The following KCNMA1 variants were observed in gnomAD, a reference collection of about 807,000 sequenced individuals.
KCNMA1 encodes the protein Calcium-activated potassium channel subunit alpha-1.
In KCNMA1, 29 loss-of-function variants were observed where a neutral mutation model predicts 140.0. The observed-to-expected ratio is 0.21, with a 90% CI of 0.15 to 0.28. KCNMA1 has a LOEUF of 0.28. KCNMA1 is among the 10% of genes least tolerant of loss of function. The pLI is 1.00. For synonymous variants in KCNMA1, 612 were observed against 611.9 expected, an observed-to-expected ratio of 1.00 and a Z score of 0.00; for missense variants, 880 against 1,602.2, an observed-to-expected ratio of 0.55 and a Z score of 7.70.
At chr10:77,372,790 G>C (rs1189185059) in intron 2 of KCNMA1, 4 of 152,214 alleles carry the variant, frequency 2.6e-5, no homozygotes, top group African/African-American at 9.7e-5. Context: ...ATGCAGCAGA[G>C]AGATGGAAGA....
At chr10:77,611,737 G>C (rs2086972129) in intron 1 of KCNMA1, among the ~76,000 whole-genome samples, 1 of 152,064 alleles carries the variant, frequency 6.6e-6, no homozygotes, top group Admixed American at 6.5e-5. Context: ...CCAATCCTAT[G>C]TCCCTGTAAT....
intron 2 of KCNMA1, among the ~76,000 whole-genome samples, chr10:77,271,840 A>G (rs569946635): frequency 2.9e-4 from 44 of 151,538 alleles, no homozygotes; most frequent in South Asian, 2.3e-3. Flanking sequence ...ACCCTGGGGG[A>G]AAAAAAAAGC....
chr10:77,327,265 C>T (rs1456462369), intron 2 of KCNMA1, among the ~76,000 whole-genome samples: 1 of 151,532 alleles, frequency 6.6e-6, no homozygotes, highest in East Asian at 2.0e-4. Flanking sequence ...TCATCAAGAG[C>T]TTCACCACCT....
rs186745719 is a variant in KCNMA1, at chr10:77,609,861, T to A, written c.378+27404A>T. ...ACTGAAAATAAAGCCCCAAACATAC[T>A]CAAGGATGGAACTCCCCACAGCCTG... On this transcript the variant is annotated intron_variant, in intron 1 of 27. Transcript: ENST00000286628. 3.1e-3 allele frequency among the ~76,000 whole-genome samples: 465 copies of A among 152,002 alleles called. 10 individuals carry two copies. Among genetic ancestry groups the A allele is most frequent in the Non-Finnish European group, 4.3e-4 (29 of 67,984 alleles).
At chr10:76,897,051 T>C (rs2042886091) in intron 25 of KCNMA1, among the ~76,000 whole-genome samples, 1 of 122,270 alleles carries the variant, frequency 8.2e-6, no homozygotes, top group African/African-American at 3.2e-5. Context: ...CACACACAAT[T>C]AGTGATACGG....
chr10:77,296,210 A>G (rs985248323), intron 2 of KCNMA1, among the ~76,000 whole-genome samples: 10 of 152,308 alleles, frequency 6.6e-5, no homozygotes, highest in African/African-American at 2.2e-4. Flanking sequence ...AAAGGGAGGT[A>G]GAGGGTCAGA....
At chr10:77,107,101 G>C (rs918972787) in intron 9 of KCNMA1, among the ~76,000 whole-genome samples, 1 of 152,194 alleles carries the variant, frequency 6.6e-6, no homozygotes, top group African/African-American at 2.4e-5. Context: ...ACTGACCAAA[G>C]GGGAGGGTCC....
At chr10:77,591,301 C>G (rs148004745) in intron 1 of KCNMA1, among the ~76,000 whole-genome samples, 2 of 152,344 alleles carry the variant, frequency 1.3e-5, no homozygotes, top group African/African-American at 4.8e-5. Flanking sequence ...GTGGTGGCAG[C>G]AAGCCAGCTG....
intron 6 of KCNMA1, among the ~76,000 whole-genome samples, chr10:77,114,914 T>C (rs1203135377): frequency 2.0e-5 from 3 of 152,210 alleles, no homozygotes; most frequent in African/African-American, 7.2e-5. Flanking sequence ...ATCTCTGTTA[T>C]GACTGCCCTC....
chr10:77,037,155 T>G (rs930763580), intron 15 of KCNMA1, among the ~76,000 whole-genome samples: 1 of 152,166 alleles, frequency 6.6e-6, no homozygotes, highest in Admixed American at 6.5e-5. Context: ...TGCCAGCTCT[T>G]GAGCTGGCTG....
At chr10:77,471,962 C>T (rs1313853395) in intron 1 of KCNMA1, among the ~76,000 whole-genome samples, 1 of 150,882 alleles carries the variant, frequency 6.6e-6, no homozygotes. Context: ...ATACACCACA[C>T]ACTACACATC....
Position 77,027,847 on chromosome 10 carries a change from T to C in KCNMA1, c.1904A>G (p.Tyr635Cys). The change falls in exon 16 of 28, where the codon TAC (tyrosine) becomes TGC (cysteine). Residue 635 changes from tyrosine (Y) to cysteine (C), a missense_variant. Coordinates refer to ENST00000286628, the MANE Select transcript of KCNMA1 (RefSeq NM_001161352.2). ...KLKLLMIAIE[Y>C]KSANRESRIL... ...CCGGCTCTCTCGGTTGGCAGACTTG[T>C]ACTCAATGGCTATCATTAGGAGCTT... 4.3e-6 allele frequency: 7 copies of C among 1,613,934 alleles called. No homozygotes were observed. Among genetic ancestry groups the C allele is most frequent in the Non-Finnish European group, 5.1e-6 (6 of 1,179,910 alleles).
intron 1 of KCNMA1, among the ~76,000 whole-genome samples, chr10:77,530,329 G>T (rs2057295358): frequency 6.6e-6 from 1 of 152,232 alleles, no homozygotes; most frequent in Non-Finnish European, 1.5e-5. Context: ...TCAACTACTT[G>T]TGTGGCTTTG....
At chr10:76,917,273 C>T (rs1424110863) in intron 23 of KCNMA1, among the ~76,000 whole-genome samples, 1 of 152,164 alleles carries the variant, frequency 6.6e-6, no homozygotes, top group Admixed American at 6.5e-5. Flanking sequence ...TAATACATGG[C>T]CTGTATTTTG....
At chr10:77,288,185 T>A (rs1156388443) in intron 2 of KCNMA1, among the ~76,000 whole-genome samples, 1 of 152,226 alleles carries the variant, frequency 6.6e-6, no homozygotes, top group African/African-American at 2.4e-5. Context: ...GATCTAAAAA[T>A]TGCTTATTCT....
intron 25 of KCNMA1, among the ~76,000 whole-genome samples, chr10:76,894,616 T>C (rs1208062564): frequency 6.6e-6 from 1 of 152,194 alleles, no homozygotes; most frequent in Non-Finnish European, 1.5e-5. Context: ...TTAAAAAGCC[T>C]TTTATAACTC....
intron 1 of KCNMA1, among the ~76,000 whole-genome samples, chr10:77,608,213 C>T (rs887519709): frequency 3.3e-5 from 5 of 152,092 alleles, no homozygotes; most frequent in South Asian, 2.1e-4. Flanking sequence ...CACTCTGTTG[C>T]CCAGGTAGGA....
chr10:76,906,238 A>G (rs2047787141), intron 25 of KCNMA1, among the ~76,000 whole-genome samples: 1 of 152,120 alleles, frequency 6.6e-6, no homozygotes. Flanking sequence ...AAATCTGAAT[A>G]CTCATATGTG....
chr10:76,885,571 C>A lies in KCNMA1; in HGVS notation c.*1695G>T. On this transcript the variant is annotated 3_prime_UTR_variant, in exon 28 of 28. Coordinates refer to ENST00000286628, the MANE Select transcript of KCNMA1 (RefSeq NM_001161352.2). ...ATCCAAAACATTCACCATAAAAACA[C>A]CTTTTTAGAGATGGTACAGCTGTGA... The A allele has an allele frequency of 1.0e-6, 1 of 985,318 alleles. No individual in the cohort carries two copies. The highest frequency in any genetic ancestry group is 5.2e-4 in the Middle Eastern group (1 of 1,914). The allele number at this position is 985,318 out of a possible 1,614,324, so 61.0% of individuals were successfully genotyped here.
Sources: allele counts gnomAD v4.1 joint callset (sites outside exome capture counted in the v4.1 genomes callset), GRCh38; gene constraint gnomAD v4.1.1; transcripts MANE v1.5; gene names NCBI Gene and HGNC (gene_info 2026-07-23, HGNC 2026-07-21).